The following NRG1 variants were observed in gnomAD, a reference collection of about 807,000 sequenced individuals.
NRG1 encodes the protein neuregulin 1.
A neutral mutation model predicts 63.8 loss-of-function variants in NRG1; 18 were observed. The ratio of observed to expected loss-of-function variants is 0.28; its 90% CI spans 0.19 to 0.42. The LOEUF is 0.42. Among genes scored for constraint, NRG1 ranks in the 10% least tolerant of loss-of-function variants. The pLI, the probability that NRG1 is intolerant of heterozygous loss-of-function variation, is 1.00. For missense variants in NRG1, 762 were observed against 814.7 expected (o/e 0.94, Z 0.79); for synonymous variants, 302 against 301.3 (o/e 1.00, Z -0.02).
At chr8:32,212,568 A>C (rs2132403670) in intron 1 of NRG1, among the ~76,000 whole-genome samples, 2 of 152,296 alleles carry the variant, frequency 1.3e-5, no homozygotes, top group South Asian at 4.1e-4. Flanking sequence ...AGTATTTTCC[A>C]TGAGCTTTCA....
rs1274301611 is a variant in NRG1, at chr8:32,296,373, TGAG to T, written c.38-299453_38-299451del. On this transcript the variant is annotated intron_variant, in intron 1 of 10. Coordinates refer to the NRG1 transcript ENST00000519301. ...GGGGGGCTGAGAGGGGTGGATCACCTGAGGTCAGGAGTTCAAGACCAGCTGAGG... is the reference window on the plus strand; with the variant it reads ...GGGGGGCTGAGAGGGGTGGATCACCTGTCAGGAGTTCAAGACCAGCTGAGG... Among the ~76,000 whole-genome samples the T allele has an allele frequency of 3.3e-5, 5 of 152,086 alleles. No homozygotes were observed. The South Asian group carries it at 1.0e-3, about 32-fold the overall frequency.
chr8:32,543,975 G>A (rs1008379522), upstream of NRG1, among the ~76,000 whole-genome samples: 10 of 152,170 alleles, frequency 6.6e-5, no homozygotes, highest in African/African-American at 2.4e-4. Context: ...TCGCAAATCT[G>A]TGAATTATTA....
intron 1 of NRG1, among the ~76,000 whole-genome samples, chr8:32,524,820 A>G (rs1248647241): frequency 6.6e-6 from 1 of 152,184 alleles, no homozygotes; most frequent in Non-Finnish European, 1.5e-5. Context: ...CTGCAAGCTT[A>G]TCATCATAAA....
In NRG1 at chr8:32,015,336, A is replaced by T. The variant is rs1815349831; in HGVS notation, c.37+375905A>T. 2.0e-5 allele frequency among the ~76,000 whole-genome samples: 3 copies of T among 152,176 alleles called. No homozygotes were observed. The South Asian group carries it at 6.2e-4, about 31-fold the overall frequency. ...AAAAATAAGAAAGTCCATTAGATGC[A>T]GTTGAGCTTCCAGCTTGTCTCTTAG... On this transcript the variant is annotated intron_variant, in intron 1 of 10. Coordinates refer to the NRG1 transcript ENST00000519301.
At chr8:32,482,536 G>C (rs751217760) in intron 1 of NRG1, among the ~76,000 whole-genome samples, 43 of 152,174 alleles carry the variant, frequency 2.8e-4, no homozygotes, top group Non-Finnish European at 5.1e-4. Flanking sequence ...GATCCAGGCT[G>C]GGATCTCAGT....
At chr8:31,740,846 C>T (rs1000869270) in intron 1 of NRG1, among the ~76,000 whole-genome samples, 11 of 151,846 alleles carry the variant, frequency 7.2e-5, no homozygotes, top group African/African-American at 2.2e-4. Context: ...GGAAGTGTTT[C>T]GACTCAGCAA....
chr8:32,069,464 A>G lies in NRG1; in HGVS notation c.37+430033A>G, dbSNP rs551365043. The stretch of plus-strand genomic sequence containing the variant: ...GGTGCAGAAAATGCTTATACTTTGA[A>G]AAGTCGTGAATTAAATAGAACTTTC... On this transcript the variant is annotated intron_variant, in intron 1 of 10. Coordinates refer to the NRG1 transcript ENST00000519301. Among the ~76,000 whole-genome samples, 5 of 152,282 alleles carry G rather than the reference A, an allele frequency of 3.3e-5. No individual in the cohort carries two copies. The East Asian group carries it at 9.7e-4, about 29-fold the overall frequency.
intron 1 of NRG1, among the ~76,000 whole-genome samples, chr8:32,392,313 A>C (rs1563401050): frequency 1.3e-5 from 2 of 152,224 alleles, no homozygotes; most frequent in Non-Finnish European, 2.9e-5. Flanking sequence ...CTTTATTGAA[A>C]CATTTACAAG....
At chr8:32,672,902 G>A (rs903524415) in intron 5 of NRG1, among the ~76,000 whole-genome samples, 16 of 152,296 alleles carry the variant, frequency 1.1e-4, no homozygotes, top group African/African-American at 3.8e-4. Flanking sequence ...TTCATAGGTT[G>A]TGGATATAAA....
At chr8:31,722,583 C>G (rs1160272440) in intron 1 of NRG1, among the ~76,000 whole-genome samples, 1 of 152,106 alleles carries the variant, frequency 6.6e-6, no homozygotes, top group Non-Finnish European at 1.5e-5. Flanking sequence ...GCCTTGCTCT[C>G]TTTGAATTAT....
At chr8:32,474,325 T>C (rs1411649350) in intron 1 of NRG1, among the ~76,000 whole-genome samples, 2 of 152,014 alleles carry the variant, frequency 1.3e-5, no homozygotes, top group African/African-American at 2.4e-5. Context: ...TTTCTGGGAG[T>C]TGGGAAACTG....
intron 1 of NRG1, among the ~76,000 whole-genome samples, chr8:32,418,479 C>A (rs1383399275): frequency 6.6e-6 from 1 of 151,536 alleles, no homozygotes; most frequent in Non-Finnish European, 1.5e-5. Flanking sequence ...TTCTTTTTTT[C>A]ACATTAAGTC....
At chr8:32,483,147 G>A (rs948239700) in intron 1 of NRG1, among the ~76,000 whole-genome samples, 10 of 152,188 alleles carry the variant, frequency 6.6e-5, no homozygotes, top group African/African-American at 2.4e-4. Context: ...TGGGGAGATG[G>A]GAAAGAGAAC....
At chr8:31,767,136 A>G (rs1385395861) in intron 1 of NRG1, among the ~76,000 whole-genome samples, 1 of 152,174 alleles carries the variant, frequency 6.6e-6, no homozygotes, top group Non-Finnish European at 1.5e-5. Flanking sequence ...AAAGAATGAC[A>G]TTCTTCATGA....
intron 1 of NRG1, among the ~76,000 whole-genome samples, chr8:32,416,563 T>C (rs553793054): frequency 3.1e-3 from 468 of 152,316 alleles, no homozygotes; most frequent in Middle Eastern, 0.014. Context: ...TTGTTAGAAA[T>C]GCAAACACTT....
At chr8:32,112,437 AG>A (rs1832152676) in intron 1 of NRG1, among the ~76,000 whole-genome samples, 1 of 152,222 alleles carries the variant, frequency 6.6e-6, no homozygotes, top group Non-Finnish European at 1.5e-5. Context: ...TTCATTTCGA[AG>A]TAAGAGTTGA....
intron 1 of NRG1, among the ~76,000 whole-genome samples, chr8:31,789,082 T>G (rs2131647824): frequency 6.6e-6 from 1 of 152,368 alleles, no homozygotes; most frequent in Admixed American, 6.5e-5. Context: ...TTGGTTCTAA[T>G]ACTCGCATTT....
chr8:32,504,753 G>A (rs1261602294), intron 1 of NRG1, among the ~76,000 whole-genome samples: 2 of 152,074 alleles, frequency 1.3e-5, no homozygotes, highest in Non-Finnish European at 1.5e-5. Context: ...CTGGCAGATG[G>A]AACAAGAGGT....
intron 7 of NRG1, among the ~76,000 whole-genome samples, chr8:32,750,336 A>T (rs1257031278): frequency 6.6e-6 from 1 of 152,156 alleles, no homozygotes; most frequent in Non-Finnish European, 1.5e-5. Context: ...GAGTATACAA[A>T]ATTTGGACAC....
Sources: allele counts gnomAD v4.1 joint callset (sites outside exome capture counted in the v4.1 genomes callset), GRCh38; gene constraint gnomAD v4.1.1; transcripts MANE v1.5; gene names NCBI Gene and HGNC (gene_info 2026-07-23, HGNC 2026-07-21).